KCNH8: variants seen among roughly 807,000 people sequenced by gnomAD.
KCNH8 encodes the protein voltage-gated delayed rectifier potassium channel KCNH8.
A neutral mutation model predicts 103.6 loss-of-function variants in KCNH8; 70 were observed. The ratio of observed to expected loss-of-function variants is 0.68; its 90% CI spans 0.56 to 0.82. The LOEUF is 0.82. KCNH8 is among the 40% of genes least tolerant of loss of function. The probability of loss-of-function intolerance (pLI) is 0.00; values close to 1 mark genes in which losing one functional copy is unlikely to be tolerated. For synonymous variants in KCNH8, 498 were observed against 489.4 expected (o/e 1.02, Z -0.23); for missense variants, 1,217 against 1,329.9 (o/e 0.92, Z 1.32).
At chr3:19,449,195 T>A (rs1334256603) in intron 8 of KCNH8, among the ~76,000 whole-genome samples, 1 of 151,762 alleles carries the variant, frequency 6.6e-6, no homozygotes, top group Non-Finnish European at 1.5e-5. Context: ...CATTACACTT[T>A]GATGGTAGGT....
At chr3:19,302,663 C>G (rs111678577) in intron 3 of KCNH8, among the ~76,000 whole-genome samples, 47 of 152,236 alleles carry the variant, frequency 3.1e-4, no homozygotes, top group African/African-American at 1.0e-3. Context: ...AGAAAGCCAT[C>G]TAATTCTTCT....
At chr3:19,258,266 T>C (rs1159504142) in intron 2 of KCNH8, among the ~76,000 whole-genome samples, 1 of 151,952 alleles carries the variant, frequency 6.6e-6, no homozygotes, top group Non-Finnish European at 1.5e-5. Flanking sequence ...AACTAGTAAA[T>C]AAAAAACCCC....
Position 19,331,610 on chromosome 3 carries a change from G to A in KCNH8, c.443-10977G>A, listed in dbSNP as rs183645166. On this transcript the variant is annotated intron_variant, in intron 3 of 15. Transcript: ENST00000328405. ...CCGGCCAATTATTTTTAATTTTTAT[G>A]GGTACATCATAGATGTAGGTATTTA... Among the ~76,000 whole-genome samples the A allele has an allele frequency of 3.4e-3, 523 of 152,130 alleles. 3 individuals carry two copies. The highest frequency in any genetic ancestry group is 9.1e-3 in the South Asian group (44 of 4,814).
At chr3:19,218,910 G>A (rs1268805134) in intron 1 of KCNH8, among the ~76,000 whole-genome samples, 3 of 151,980 alleles carry the variant, frequency 2.0e-5, no homozygotes, top group African/African-American at 4.8e-5. Flanking sequence ...TTGGATTAGG[G>A]GCCCACCTTA....
At chr3:19,474,159 A>G (rs992664173) in intron 11 of KCNH8, among the ~76,000 whole-genome samples, 5 of 152,226 alleles carry the variant, frequency 3.3e-5, no homozygotes, top group Non-Finnish European at 7.3e-5. Flanking sequence ...TGGTATGATT[A>G]AAACTGTCTA....
At chr3:19,206,976 T>C (rs897662873) in intron 1 of KCNH8, among the ~76,000 whole-genome samples, 1 of 152,086 alleles carries the variant, frequency 6.6e-6, no homozygotes, top group East Asian at 1.9e-4. Flanking sequence ...ACTTGAAATT[T>C]GGGGTGCCTG....
intron 7 of KCNH8, among the ~76,000 whole-genome samples, chr3:19,420,446 G>A (rs1232443853): frequency 3.9e-5 from 6 of 152,226 alleles, no homozygotes; most frequent in African/African-American, 7.2e-5. Context: ...TGACTGTGAC[G>A]CACAGAGGGA....
At chr3:19,231,766 T>C (rs1451276615) in intron 1 of KCNH8, among the ~76,000 whole-genome samples, 1 of 152,196 alleles carries the variant, frequency 6.6e-6, no homozygotes, top group Non-Finnish European at 1.5e-5. Flanking sequence ...AATCGAGCCT[T>C]GAAGTAATAA....
At chr3:19,281,083 A>AGTT (rs1482064349) in intron 2 of KCNH8, 115 bp from the exon 3 acceptor site, 4 of 986,962 alleles carry the variant, frequency 4.1e-6, no homozygotes, top group African/African-American at 1.7e-5. Flanking sequence ...AGATGGAGGG[A>AGTT]GTTGTGGGAT....
chr3:19,158,357 A>G (rs2063201629), intron 1 of KCNH8, among the ~76,000 whole-genome samples: 1 of 151,778 alleles, frequency 6.6e-6, no homozygotes, highest in South Asian at 2.1e-4. Flanking sequence ...TTTTAATTAT[A>G]GAATATTTGT....
intron 5 of KCNH8, among the ~76,000 whole-genome samples, chr3:19,361,966 A>G (rs2065952273): frequency 6.6e-6 from 1 of 152,170 alleles, no homozygotes; most frequent in Admixed American, 6.6e-5. Context: ...TGACGAAGCT[A>G]GAGCTAAAAC....
chr3:19,529,866 T>A (rs924692804), intron 15 of KCNH8, among the ~76,000 whole-genome samples: 1 of 152,208 alleles, frequency 6.6e-6, no homozygotes, highest in African/African-American at 2.4e-5. Flanking sequence ...CATAAATTGA[T>A]TATTTCCCTC....
In KCNH8 at chr3:19,484,652, G is replaced by A. The variant is rs549915118; in HGVS notation, c.2041-25711G>A. Among the ~76,000 whole-genome samples the A allele has an allele frequency of 2.0e-5, 3 of 152,164 alleles. No individual in the cohort carries two copies. In the South Asian group the frequency reaches 6.2e-4, roughly 32 times the overall value. On this transcript the variant is annotated intron_variant, in intron 11 of 15. Transcript: ENST00000328405. ...TTCCTTCTACCTTTACAGCCGTGGG[G>A]GTGGTCAGGATGATGGTTTGAGGTC...
At chr3:19,367,771 A>G (rs1170941030) in intron 5 of KCNH8, among the ~76,000 whole-genome samples, 1 of 151,960 alleles carries the variant, frequency 6.6e-6, no homozygotes. Context: ...AGCACAGCCT[A>G]CTTTAGAGTT....
At position 19,527,673 on chromosome 3, in the gene KCNH8, G is replaced by A. The variant is rs142433033; in HGVS notation, c.2620-5722G>A. 4.0e-3 allele frequency among the ~76,000 whole-genome samples: 605 copies of A among 152,198 alleles called. 13 individuals carry two copies. The highest frequency in any genetic ancestry group is 0.038 in the Admixed American group (578 of 15,258). ...ATACAGCAGAAATAGAAAAGCTGTG[G>A]TAGTCAGTGATTCCCTTCTTAGGGG... On this transcript the variant is annotated intron_variant, in intron 15 of 15. Coordinates refer to ENST00000328405, the MANE Select transcript of KCNH8 (RefSeq NM_144633.3).
intron 11 of KCNH8, among the ~76,000 whole-genome samples, chr3:19,499,725 G>T (rs1420740228): frequency 1.3e-5 from 2 of 152,146 alleles, no homozygotes; most frequent in Admixed American, 6.5e-5. Context: ...ATCCTTTACA[G>T]ACAAGCAAAT....
At position 19,533,725 on chromosome 3, in the gene KCNH8, G is replaced by C. The variant is rs35160416; in HGVS notation, c.2950G>C (p.Glu984Gln). Residue 984 changes from glutamate (E) to glutamine (Q), a missense_variant, in exon 16 of 16, where the codon GAA becomes CAA. Glu to Gln is a conservative substitution (Grantham distance 29, BLOSUM62 2). Transcript: ENST00000328405. ...TCATGAGCAAAATCCTGCAGACAGT[G>C]AACTTTATCATTCTCCAAGCCTTGA... ...GAHEQNPADS[E>Q]LYHSPSLDYS... 2.8e-3 allele frequency: 4,562 copies of C among 1,614,122 alleles called. 120 individuals are homozygous for C. In the African/African-American group the frequency reaches 0.053, roughly 19 times the overall value.
intron 2 of KCNH8, among the ~76,000 whole-genome samples, chr3:19,265,884 A>G (rs943344027): frequency 5.3e-5 from 8 of 152,220 alleles, no homozygotes; most frequent in African/African-American, 1.7e-4. Context: ...TATGTCATCC[A>G]TCAAATTTAC....
intron 1 of KCNH8, among the ~76,000 whole-genome samples, chr3:19,197,016 A>T (rs2063608932): frequency 6.6e-6 from 1 of 152,038 alleles, no homozygotes; most frequent in South Asian, 2.1e-4. Context: ...TGATAGGTAA[A>T]ACAGGGGTCC....
Sources: allele counts gnomAD v4.1 joint callset (sites outside exome capture counted in the v4.1 genomes callset), GRCh38; gene constraint gnomAD v4.1.1; transcripts MANE v1.5; gene names NCBI Gene and HGNC (gene_info 2026-07-23, HGNC 2026-07-21).